The following ADGRV1 variants were observed in gnomAD, a reference collection of about 807,000 sequenced individuals.
ADGRV1 encodes adhesion G protein-coupled receptor V1, also known as G-protein coupled receptor 98.
In ADGRV1, 359 loss-of-function variants were observed where a neutral mutation model predicts 596.2. That is an observed-to-expected ratio of 0.60 (90% CI 0.55 to 0.66). ADGRV1 has a LOEUF of 0.66. Among genes scored for constraint, ADGRV1 ranks in the 30% least tolerant of loss-of-function variants. The pLI, the probability that ADGRV1 is intolerant of heterozygous loss-of-function variation, is 0.00. For missense variants in ADGRV1, 7,274 were observed against 7,575.6 expected, an observed-to-expected ratio of 0.96 and a Z score of 1.48; for synonymous variants, 2,681 against 2,679.2, an observed-to-expected ratio of 1.00 and a Z score of -0.02.
Position 90,783,255 on chromosome 5 carries a change from A to G in ADGRV1, c.13363A>G (p.Ser4455Gly). ...AGGTGTTGATTACATTTTGCATGGC[A>G]GTACAGTCACCTTTCAGCATGGGCA... Reference protein sequence around the residue: ...PGGVDYILHGSTVTFQHGQNL... With the variant: ...PGGVDYILHGGTVTFQHGQNL... Residue 4455 changes from serine (S) to glycine (G), a missense_variant, in exon 66 of 90, where the codon AGT (serine) becomes GGT (glycine). This residue lies in a region of ADGRV1 where 3,643 missense variants were observed against 3,809.2 expected (regional missense o/e 0.96). Coordinates refer to ENST00000405460, the MANE Select transcript of ADGRV1 (RefSeq NM_032119.4). The G allele has an allele frequency of 6.2e-7, 1 of 1,613,624 alleles. No individual in the cohort carries two copies. The highest frequency in any genetic ancestry group is 8.5e-7 in the Non-Finnish European group (1 of 1,179,616).
At chr5:91,082,659 A>C (rs550587182) in intron 86 of ADGRV1, among the ~76,000 whole-genome samples, 1 of 152,202 alleles carries the variant, frequency 6.6e-6, no homozygotes, top group Non-Finnish European at 1.5e-5. Context: ...AAACTTGACT[A>C]GAGAGTAGAA....
rs375876245 is a variant in ADGRV1, at chr5:90,823,477, G to A, written c.16249G>A (p.Val5417Ile). Residue 5417 changes from valine (V) to isoleucine (I), a missense_variant, in exon 76 of 90, where the codon GTC (valine) becomes ATC (isoleucine). By Grantham distance (29) the Val-to-Ile change is conservative. This residue lies in a region of ADGRV1 where 1,874 missense variants were observed against 1,970.2 expected (regional missense o/e 0.95). Coordinates refer to ENST00000405460, the MANE Select transcript of ADGRV1 (RefSeq NM_032119.4). ...FWRVTLNKTV[V>I]VLQKDGVNLV... ...GCGAGTCACACTTAACAAAACAGTCGTCGTGCTCCAGAAGGATGGGGTAAA... is the reference window on the plus strand; with the variant it reads ...GCGAGTCACACTTAACAAAACAGTCATCGTGCTCCAGAAGGATGGGGTAAA... 9.6e-5 allele frequency: 155 copies of A among 1,613,782 alleles called. No homozygotes were observed. Among genetic ancestry groups the A allele is most frequent in the Non-Finnish European group, 1.2e-4 (147 of 1,179,868 alleles).
chr5:90,904,551 C>T lies in ADGRV1; in HGVS notation c.17856+40694C>T, dbSNP rs539867576. 2.7e-3 allele frequency among the ~76,000 whole-genome samples: 407 copies of T among 151,934 alleles called. 1 individual carries two copies. The highest frequency in any genetic ancestry group is 9.5e-3 in the African/African-American group (393 of 41,492). ...CCTTTTCATATGCCTGTTCACCATT[C>T]GTTTGTCTTCTTTGAGATATGCCTA... On this transcript the variant is annotated intron_variant, in intron 83 of 89. Coordinates refer to ENST00000405460, the MANE Select transcript of ADGRV1 (RefSeq NM_032119.4).
intron 50 of ADGRV1, among the ~76,000 whole-genome samples, chr5:90,731,979 G>A (rs533221699): frequency 2.6e-5 from 4 of 152,122 alleles, no homozygotes; most frequent in Admixed American, 6.5e-5. Flanking sequence ...TTAATACATG[G>A]TATATAGATT....
intron 89 of ADGRV1, among the ~76,000 whole-genome samples, chr5:91,162,298 T>C (rs1797015650): frequency 6.6e-6 from 1 of 152,106 alleles, no homozygotes; most frequent in Non-Finnish European, 1.5e-5. Flanking sequence ...TCAGAAATTT[T>C]AAAAGAGAAT....
chr5:90,710,320 G>T (rs183956502), intron 39 of ADGRV1, among the ~76,000 whole-genome samples: 4 of 152,226 alleles, frequency 2.6e-5, no homozygotes, highest in Admixed American at 2.0e-4. Context: ...CCAGGAGCAG[G>T]GTTAGTAATA....
intron 34 of ADGRV1, among the ~76,000 whole-genome samples, chr5:90,697,786 C>T (rs1410136647): frequency 2.6e-5 from 4 of 151,660 alleles, no homozygotes; most frequent in Non-Finnish European, 5.9e-5. Context: ...GTGTTTTTGT[C>T]TTCGAGTAAG....
chr5:90,845,416 G>T (rs1561838287), intron 78 of ADGRV1, among the ~76,000 whole-genome samples: 2 of 151,154 alleles, frequency 1.3e-5, no homozygotes, highest in South Asian at 2.1e-4. Context: ...AAGAAACTTT[G>T]TTTTTTTTTA....
chr5:90,664,067 T>C, intron 21 of ADGRV1, among the ~76,000 whole-genome samples: 1 of 141,474 alleles, frequency 7.1e-6, no homozygotes, highest in Non-Finnish European at 1.5e-5. Context: ...GCTTTGTTGT[T>C]TTGGCTTAGG....
chr5:90,682,669 A>C (rs929312341), intron 27 of ADGRV1, among the ~76,000 whole-genome samples: 1 of 152,122 alleles, frequency 6.6e-6, no homozygotes, highest in Non-Finnish European at 1.5e-5. Context: ...CTTAGAAAGG[A>C]TAACTAATGA....
At chr5:91,081,814 AAAAAT>A (rs1789411887) in intron 86 of ADGRV1, among the ~76,000 whole-genome samples, 2 of 152,160 alleles carry the variant, frequency 1.3e-5, no homozygotes, top group South Asian at 2.1e-4. Context: ...TAAAAATTTA[AAAAAT>A]AAAATAAATA....
rs79431967 is a variant in ADGRV1 at position 90,912,111 on chromosome 5, T to C, written c.17856+48254T>C. 5.8e-3 allele frequency among the ~76,000 whole-genome samples: 879 copies of C among 152,208 alleles called. 9 individuals carry two copies. Among genetic ancestry groups the C allele is most frequent in the Non-Finnish European group, 9.3e-3 (629 of 67,994 alleles). On this transcript the variant is annotated intron_variant, in intron 83 of 89. Coordinates refer to ENST00000405460, the MANE Select transcript of ADGRV1 (RefSeq NM_032119.4). ...TGCTTGGTAAGCGGTAAGTACTTCA[T>C]GAATATGAGCTGTTTTTATTATCAG...
intron 29 of ADGRV1, among the ~76,000 whole-genome samples, chr5:90,688,222 A>G (rs1745954840): frequency 6.6e-6 from 1 of 152,220 alleles, no homozygotes; most frequent in Non-Finnish European, 1.5e-5. Context: ...AACAGAACAG[A>G]GCCCTCAGAA....
rs367974450 is a variant in ADGRV1, at chr5:90,703,737, T to C, written c.8228T>C (p.Ile2743Thr). 1 of 1,606,162 alleles carries C rather than the reference T, an allele frequency of 6.2e-7. No homozygotes were observed. Among genetic ancestry groups the C allele is most frequent in the Admixed American group, 1.7e-5 (1 of 59,220 alleles). Reference protein sequence around the residue: ...RGNVTVNWKIIGQNLELNFAN... With the variant: ...RGNVTVNWKITGQNLELNFAN... Reference sequence around the variant, plus strand: ...AATGTTACTGTTAACTGGAAAATTATTGGGCAAAATCTAGAACTCAATTTT... The same window carrying C: ...AATGTTACTGTTAACTGGAAAATTACTGGGCAAAATCTAGAACTCAATTTT... Residue 2743 changes from isoleucine (I) to threonine (T), a missense_variant, in exon 35 of 90, where the codon ATT becomes ACT. Coordinates refer to ENST00000405460, the MANE Select transcript of ADGRV1 (RefSeq NM_032119.4).
At chr5:91,141,963 G>A (rs968799496) in intron 87 of ADGRV1, among the ~76,000 whole-genome samples, 1 of 152,154 alleles carries the variant, frequency 6.6e-6, no homozygotes, top group African/African-American at 2.4e-5. Context: ...TGACCATACC[G>A]CCAGGAAGAC....
intron 89 of ADGRV1, among the ~76,000 whole-genome samples, chr5:91,154,819 A>C (rs1269953202): frequency 6.6e-6 from 1 of 152,168 alleles, no homozygotes; most frequent in African/African-American, 2.4e-5. Context: ...AAACCATCAG[A>C]TCTCGTGAGA....
intron 15 of ADGRV1, among the ~76,000 whole-genome samples, chr5:90,645,479 G>A (rs975692473): frequency 2.0e-5 from 3 of 152,108 alleles, no homozygotes; most frequent in African/African-American, 4.8e-5. Context: ...CAGAAATGTG[G>A]GGAATCAAAT....
In ADGRV1 at chr5:90,720,158, C is replaced by T. The variant is rs201089046; in HGVS notation, c.9558C>T (p.Thr3186=). The change falls in exon 44 of 90, where the codon ACC becomes ACT. Residue 3186 remains threonine, a synonymous_variant. Transcript: ENST00000405460. ...CTAGACTAGGGGTGCATGTTCAAAC[C>T]CTGATAACAGTTTTGCAAAACCAGG... ...GGARLGVHVQ[T]LITVLQNQAP... is the part of the protein sequence containing the mutation. 3.2e-5 allele frequency: 52 copies of T among 1,610,856 alleles called. No individual in the cohort carries two copies. The African/African-American group carries it at 6.3e-4, about 19-fold the overall frequency.
intron 1 of ADGRV1, among the ~76,000 whole-genome samples, chr5:90,596,211 T>C (rs1384099770): frequency 6.9e-6 from 1 of 144,496 alleles, no homozygotes; most frequent in African/African-American, 2.6e-5. Flanking sequence ...GCAGAGACGC[T>C]CCTCACTTCC....
Sources: gnomAD v4.1 joint callset for allele counts (sites outside exome capture counted in the v4.1 genomes callset) on GRCh38, gnomAD v4.1.1 for gene constraint, gnomAD v4.1.1 regional missense constraint, MANE v1.5 for transcripts, NCBI Gene and HGNC (gene_info 2026-07-23, HGNC 2026-07-21) for gene names.